The following CALD1 variants were observed in gnomAD, a reference collection of about 807,000 sequenced individuals.
CALD1 encodes the protein caldesmon.
A neutral mutation model predicts 99.9 loss-of-function variants in CALD1; 33 were observed. That is an observed-to-expected ratio of 0.33 (90% CI 0.25 to 0.44). The LOEUF (loss-of-function observed/expected upper bound fraction) is 0.44. CALD1 is among the 20% of genes least tolerant of loss of function. The pLI is 1.00. For missense variants in CALD1, 861 were observed against 962.1 expected (o/e 0.89, Z 1.39); for synonymous variants, 310 against 325.0 (o/e 0.95, Z 0.50).
chr7:134,782,040 GTATTC>G (rs1369408038), intron 1 of CALD1, among the ~76,000 whole-genome samples: 3 of 152,166 alleles, frequency 2.0e-5, no homozygotes, highest in Non-Finnish European at 4.4e-5. Context: ...TCTAGCCCAG[GTATTC>G]TCTGTTCTGA....
chr7:134,776,585 T>G (rs543008706), upstream of CALD1, among the ~76,000 whole-genome samples: 1 of 152,318 alleles, frequency 6.6e-6, no homozygotes, highest in South Asian at 2.1e-4. Context: ...GGTACTTTTG[T>G]GTCCAATTTT....
At position 134,876,090 on chromosome 7, in the gene CALD1, T is replaced by C. The variant is rs183136585; in HGVS notation, c.71+8286T>C. On this transcript the variant is annotated intron_variant, in intron 3 of 14. Coordinates refer to ENST00000361675, the MANE Select transcript of CALD1 (RefSeq NM_033138.4). ...TTCAGTTTTGGACCACACACTATTT[T>C]TGAGGCACTGATGAAAGCTCTGGAC... Among the ~76,000 whole-genome samples, 3 of 152,304 alleles carry C rather than the reference T, an allele frequency of 2.0e-5. No individual in the cohort carries two copies. The East Asian group carries it at 5.8e-4, about 29-fold the overall frequency.
intron 3 of CALD1, among the ~76,000 whole-genome samples, chr7:134,897,988 T>TA (rs1802706514): frequency 6.6e-6 from 1 of 152,070 alleles, no homozygotes; most frequent in South Asian, 2.1e-4. Flanking sequence ...AAGCCTCCAC[T>TA]ATCTCGGCTC....
intron 3 of CALD1, among the ~76,000 whole-genome samples, chr7:134,896,698 G>A (rs1281476798): frequency 6.6e-6 from 1 of 152,082 alleles, no homozygotes; most frequent in Non-Finnish European, 1.5e-5. Flanking sequence ...CCTTACCTTT[G>A]ATCTATTGAT....
At chr7:134,958,142 A>G (rs1355973692) in intron 10 of CALD1, 30 bp downstream of exon 10, 2 of 1,608,090 alleles carry the variant, frequency 1.2e-6, no homozygotes, top group Admixed American at 1.7e-5. Flanking sequence ...CAATTGAGCT[A>G]ATCAGCTAGC....
intron 3 of CALD1, among the ~76,000 whole-genome samples, chr7:134,910,228 G>A (rs756762148): frequency 5.3e-5 from 8 of 152,166 alleles, no homozygotes; most frequent in Non-Finnish European, 1.0e-4. Context: ...TACCAAGTAG[G>A]TTAAACTAAC....
At chr7:134,908,179 G>A (rs913064429) in intron 3 of CALD1, among the ~76,000 whole-genome samples, 11 of 152,250 alleles carry the variant, frequency 7.2e-5, no homozygotes, top group East Asian at 1.9e-4. Flanking sequence ...GTCACCAGGC[G>A]ATGAAGGTGA....
intron 1 of CALD1, among the ~76,000 whole-genome samples, chr7:134,812,579 T>C (rs1486186472): frequency 2.3e-5 from 3 of 132,432 alleles, no homozygotes; most frequent in Admixed American, 7.3e-5. Flanking sequence ...CTGGAAAGAA[T>C]AGTTAAAAAA....
At chr7:134,898,093 C>T (rs1030594021) in intron 3 of CALD1, among the ~76,000 whole-genome samples, 7 of 151,934 alleles carry the variant, frequency 4.6e-5, no homozygotes, top group African/African-American at 1.7e-4. Context: ...CCTGGCTAGC[C>T]TGGGGGTTTA....
chr7:134,829,364 A>G (rs1799131649), intron 1 of CALD1, among the ~76,000 whole-genome samples: 1 of 152,242 alleles, frequency 6.6e-6, no homozygotes, highest in African/African-American at 2.4e-5. Context: ...AAACGTTATC[A>G]TCTGATTGTA....
intron 1 of CALD1, among the ~76,000 whole-genome samples, chr7:134,808,300 G>A (rs553118715): frequency 7.0e-4 from 106 of 151,084 alleles, no homozygotes; most frequent in Admixed American, 9.2e-4. Context: ...TAGAGACAAC[G>A]TCTCACTATG....
rs543975581 is a variant in CALD1 at position 134,890,462 on chromosome 7, T to C, written c.71+22658T>C. Among the ~76,000 whole-genome samples, 11 of 152,338 alleles carry C rather than the reference T, an allele frequency of 7.2e-5. No homozygotes were observed. In the East Asian group the frequency reaches 2.1e-3, roughly 29 times the overall value. On this transcript the variant is annotated intron_variant, in intron 3 of 14. Coordinates refer to ENST00000361675, the MANE Select transcript of CALD1 (RefSeq NM_033138.4). ...GTGAAAGCGCTCTCAATGTGTGAAG[T>C]TGACTGCTTCTCCTGCTGTTTACCA...
chr7:134,842,097 G>A (rs995176891), intron 1 of CALD1, among the ~76,000 whole-genome samples: 2 of 152,140 alleles, frequency 1.3e-5, no homozygotes, highest in African/African-American at 4.8e-5. Flanking sequence ...AACTCCAGCA[G>A]AGTATAAGCT....
In CALD1 at chr7:134,811,274, T is replaced by C. The variant is rs536037329; in HGVS notation, c.-130+31525T>C. On this transcript the variant is annotated intron_variant, in intron 1 of 14. Transcript: ENST00000361675. ...AAGAAAGGGTTGTTTACTGACACTG[T>C]ACTAACACTTCTAATATTATCCTGC... Among the ~76,000 whole-genome samples, 103 of 152,348 alleles carry C rather than the reference T, an allele frequency of 6.8e-4. 1 individual carries two copies. The South Asian group carries it at 0.018, about 27-fold the overall frequency.
At chr7:134,784,108 G>A (rs915100577) in intron 1 of CALD1, among the ~76,000 whole-genome samples, 3 of 152,166 alleles carry the variant, frequency 2.0e-5, no homozygotes, top group African/African-American at 7.2e-5. Context: ...TTAGTACATG[G>A]CTTTTCTTTG....
At position 134,846,987 on chromosome 7, in the gene CALD1, TCCAATGAATGATGGCCAGTGG is replaced by T. The variant is rs1322565768; in HGVS notation, c.-42+3021_-42+3041del. Among the ~76,000 whole-genome samples the T allele has an allele frequency of 7.2e-5, 11 of 152,344 alleles. No individual in the cohort carries two copies. In the South Asian group the frequency reaches 2.3e-3, roughly 32 times the overall value. ...TCCATGAATGGTCTAGTTGGGGTGT[TCCAATGAATGATGGCCAGTGG>T]CCAACATAGGTGCCTCCCGACTGTG... On this transcript the variant is annotated intron_variant, in intron 2 of 14. Coordinates refer to ENST00000361675, the MANE Select transcript of CALD1 (RefSeq NM_033138.4).
chr7:134,883,558 T>C (rs1381923582), intron 3 of CALD1, among the ~76,000 whole-genome samples: 1 of 152,188 alleles, frequency 6.6e-6, no homozygotes, highest in Non-Finnish European at 1.5e-5. Context: ...GCTTTTCCTG[T>C]TTTAATCTTA....
In CALD1 at chr7:134,885,173, T is replaced by C. The variant is rs570733443; in HGVS notation, c.71+17369T>C. Among the ~76,000 whole-genome samples the C allele has an allele frequency of 4.6e-5, 7 of 152,186 alleles. No homozygotes were observed. In the South Asian group the frequency reaches 1.5e-3, roughly 32 times the overall value. ...GTCTGTAACTCCTGACCTCAGGTGA[T>C]CCTCCTGCCTCTGCCTCCCAAAGTG... is the stretch of plus-strand genomic sequence containing the variant. On this transcript the variant is annotated intron_variant, in intron 3 of 14. Coordinates refer to ENST00000361675, the MANE Select transcript of CALD1 (RefSeq NM_033138.4).
At chr7:134,895,307 T>C (rs1802491714) in intron 3 of CALD1, among the ~76,000 whole-genome samples, 1 of 108,988 alleles carries the variant, frequency 9.2e-6, no homozygotes, top group Non-Finnish European at 1.9e-5. Flanking sequence ...TATGTGTGTG[T>C]GTGTGTGTGT....
Sources: gnomAD v4.1 joint callset for allele counts (sites outside exome capture counted in the v4.1 genomes callset) on GRCh38, gnomAD v4.1.1 for gene constraint, MANE v1.5 for transcripts, NCBI Gene and HGNC (gene_info 2026-07-23, HGNC 2026-07-21) for gene names.